PET117: variants seen among roughly 807,000 people sequenced by gnomAD.
PET117 encodes the protein protein PET117 homolog, mitochondrial.
Under a neutral mutation model 9.2 loss-of-function variants are expected in PET117, and 10 were observed. The observed-to-expected ratio is 1.09, with a 90% confidence interval of 0.67 to 1.85. The LOEUF is 1.85. Ranked by LOEUF, PET117 falls within the 40% of genes most tolerant of loss-of-function variation. PET117 has a pLI of 0.00. For synonymous variants in PET117, 43 were observed against 37.1 expected, an observed-to-expected ratio of 1.16 and a Z score of -0.57; for missense variants, 96 against 98.2, an observed-to-expected ratio of 0.98 and a Z score of 0.09.
At chr20:18,138,326 C>A (rs566169741) in intron 1 of PET117, 2 of 1,143,812 alleles carry the variant, frequency 1.7e-6, no homozygotes, top group South Asian at 8.1e-5. Flanking sequence ...AGGGGCCTTG[C>A]TCCGCACAGG....
Position 18,142,747 on chromosome 20 carries a change from A to C in PET117, c.*390A>C. On this transcript the variant is annotated 3_prime_UTR_variant, in exon 2 of 2. Transcript: ENST00000432901. Reference sequence around the variant, plus strand: ...CATCGACCTCAGAAGGACTGGAGGAAGGTGAAGTGGAGGGAGAGACGCTCC... The same window carrying C: ...CATCGACCTCAGAAGGACTGGAGGACGGTGAAGTGGAGGGAGAGACGCTCC... 1 of 1,614,216 alleles carries C rather than the reference A, an allele frequency of 6.2e-7. No individual in the cohort carries two copies. The highest frequency in any genetic ancestry group is 8.5e-7 in the Non-Finnish European group (1 of 1,180,034).
chr20:18,138,551 C>T (rs1205503383), intron 1 of PET117: 1 of 771,678 alleles, frequency 1.3e-6, no homozygotes, highest in African/African-American at 1.9e-5. Flanking sequence ...GATTTTATCC[C>T]ATGGTAAGGG....
intron 1 of PET117, 51 bp downstream of exon 1, chr20:18,138,102 T>TG (rs2037364926): frequency 7.0e-7 from 1 of 1,426,830 alleles, no homozygotes; most frequent in African/African-American, 1.5e-5. Context: ...GGCGTCGACC[T>TG]GGGGCCTCTC....
rs1273440887 is a variant in PET117, at chr20:18,138,550, C to G, written c.96+499C>G. ...TGTTTTACGTGCTATTGATTTTATC[C>G]CATGGTAAGGGAGCCCCCCTTCCCC... On this transcript the variant is annotated intron_variant, in intron 1 of 1. Coordinates refer to ENST00000432901, the MANE Select transcript of PET117 (RefSeq NM_001164811.2). The G allele has an allele frequency of 3.8e-6, 3 of 782,538 alleles. No homozygotes were observed. In the East Asian group the frequency reaches 3.8e-4, roughly 98 times the overall value. 48.5% of individuals were successfully genotyped at this position (782,538 alleles called of 1,614,324 possible).
intron 1 of PET117, among the ~76,000 whole-genome samples, chr20:18,139,675 T>TG (rs1568660988): frequency 1.3e-4 from 13 of 103,738 alleles, no homozygotes; most frequent in East Asian, 7.9e-4. Flanking sequence ...TGTGTGTGTG[T>TG]TTATTTTTTT....
Position 18,137,905 on chromosome 20 carries a change from C to T in PET117, c.-51C>T, listed in dbSNP as rs2037351386. On this transcript the variant is annotated 5_prime_UTR_variant, in exon 1 of 2. Coordinates refer to ENST00000432901, the MANE Select transcript of PET117 (RefSeq NM_001164811.2). ...GCGGCGGTGCGCACTCTGCGGCGGC[C>T]TCTGCGCCTCGGGCGGGCGGGAGAG... 3.4e-6 allele frequency: 5 copies of T among 1,451,384 alleles called. No individual in the cohort carries two copies. The highest frequency in any genetic ancestry group is 4.5e-6 in the Non-Finnish European group (5 of 1,108,374). 89.9% of individuals were successfully genotyped at this position (1,451,384 alleles called of 1,614,324 possible).
chr20:18,142,639 C>T lies in PET117; in HGVS notation c.*282C>T. The stretch of plus-strand genomic sequence containing the variant: ...TTAGGGTTGTTACTGAGAAGCACTG[C>T]CGAGCTTGTGAGAAGGAAGGGATGG... On this transcript the variant is annotated 3_prime_UTR_variant, in exon 2 of 2. Coordinates refer to ENST00000432901, the MANE Select transcript of PET117 (RefSeq NM_001164811.2). 1 of 1,613,302 alleles carries T rather than the reference C, an allele frequency of 6.2e-7. No individual in the cohort carries two copies. Among genetic ancestry groups the T allele is most frequent in the South Asian group, 1.1e-5 (1 of 91,014 alleles).
At position 18,138,546 on chromosome 20, in the gene PET117, T is replaced by C. The variant is rs1278281420; in HGVS notation, c.96+495T>C. 3.7e-6 allele frequency: 3 copies of C among 801,892 alleles called. No homozygotes were observed. The African/African-American group carries it at 5.6e-5, about 15-fold the overall frequency. The allele number at this position is 801,892 out of a possible 1,614,324, so 49.7% of individuals were successfully genotyped here. ...AATGTGTTTTACGTGCTATTGATTT[T>C]ATCCCATGGTAAGGGAGCCCCCCTT... On this transcript the variant is annotated intron_variant, in intron 1 of 1. Transcript: ENST00000432901.
chr20:18,142,892 G>A lies in PET117; in HGVS notation c.*535G>A. The A allele has an allele frequency of 6.2e-7, 1 of 1,614,116 alleles. No homozygotes were observed. The highest frequency in any genetic ancestry group is 8.5e-7 in the Non-Finnish European group (1 of 1,179,974). Reference sequence around the variant, plus strand: ...GGAGGAGCAGCTGTCCTACTTCTGTGACAAGTGCCAAAAATGGATACCAGC... The same window carrying A: ...GGAGGAGCAGCTGTCCTACTTCTGTAACAAGTGCCAAAAATGGATACCAGC... On this transcript the variant is annotated 3_prime_UTR_variant, in exon 2 of 2. Coordinates refer to ENST00000432901, the MANE Select transcript of PET117 (RefSeq NM_001164811.2).
chr20:18,141,041 T>TTTTTA (rs2037543546), intron 1 of PET117, among the ~76,000 whole-genome samples: 6 of 43,606 alleles, frequency 1.4e-4, no homozygotes, highest in South Asian at 9.5e-4. Context: ...TTTTTTTTTT[T>TTTTTA]TTTTTATTTT....
chr20:18,139,633 CGTGTGTGTGTGTGTGTGTGTGTGTGTGT>C (rs71194228), intron 1 of PET117, among the ~76,000 whole-genome samples: 7 of 141,634 alleles, frequency 4.9e-5, no homozygotes, highest in African/African-American at 7.6e-5. Flanking sequence ...ACCAAAATAA[CGTGTGTGTGTGTGTGTGTGTGTGTGTGT>C]GTGTGTGTGT....
chr20:18,141,051 T>TTTTTTTTTTTTCTG (rs58888387), intron 1 of PET117, among the ~76,000 whole-genome samples: 1 of 109,704 alleles, frequency 9.1e-6, no homozygotes, highest in Non-Finnish European at 1.8e-5. Flanking sequence ...TTTTTTATTT[T>TTTTTTTTTTTTCTG]TATTTTTGCT....
chr20:18,141,790 C>CGGA (rs2037595787), intron 1 of PET117, among the ~76,000 whole-genome samples: 1 of 152,036 alleles, frequency 6.6e-6, no homozygotes, highest in Non-Finnish European at 1.5e-5. Context: ...AGGCTGAGGC[C>CGGA]GGAGAATCAC....
chr20:18,141,033 TTTTTTTTTTTTTTA>T (rs1271089719), intron 1 of PET117, among the ~76,000 whole-genome samples: 126 of 18,374 alleles, frequency 6.9e-3, no homozygotes, highest in African/African-American at 0.016. Context: ...ATTTTTTTTT[TTTTTTTTTTTTTTA>T]TTTTTATTTT....
At chr20:18,138,876 C>T (rs1390324092) in intron 1 of PET117, among the ~76,000 whole-genome samples, 1 of 152,228 alleles carries the variant, frequency 6.6e-6, no homozygotes, top group Non-Finnish European at 1.5e-5. Flanking sequence ...GGAAACTCCA[C>T]TCTTCCAGAG....
rs2037631444 is a variant in PET117, at chr20:18,142,684, T to C, written c.*327T>C. On this transcript the variant is annotated 3_prime_UTR_variant, in exon 2 of 2. Coordinates refer to ENST00000432901, the MANE Select transcript of PET117 (RefSeq NM_001164811.2). ...GGATGGATAGTAGCATCCACCTGAGTAGTCTGATCAGTCGGCATGATGACG... is the reference window on the plus strand; with the variant it reads ...GGATGGATAGTAGCATCCACCTGAGCAGTCTGATCAGTCGGCATGATGACG... 6.2e-7 allele frequency: 1 copy of C among 1,613,926 alleles called. No homozygotes were observed.
intron 1 of PET117, 137 bp downstream of exon 1, chr20:18,138,188 C>T: frequency 1.6e-6 from 2 of 1,266,522 alleles, no homozygotes; most frequent in Non-Finnish European, 2.0e-6. Context: ...GCACCCCACG[C>T]GTTTGCGGCT....
rs748468761 is a variant in PET117 at position 18,142,673 on chromosome 20, AT to A, written c.*317del. 1 of 1,614,210 alleles carries A rather than the reference AT, an allele frequency of 6.2e-7. No individual in the cohort carries two copies. Among genetic ancestry groups the A allele is most frequent in the African/African-American group, 1.3e-5 (1 of 75,050 alleles). The stretch of plus-strand genomic sequence containing the variant: ...TGAGAAGGAAGGGATGGATAGTAGC[AT>A]CCACCTGAGTAGTCTGATCAGTCGG... On this transcript the variant is annotated 3_prime_UTR_variant, in exon 2 of 2. Coordinates refer to ENST00000432901, the MANE Select transcript of PET117 (RefSeq NM_001164811.2).
At position 18,137,934 on chromosome 20, in the gene PET117, G is replaced by C. The variant is rs775291514; in HGVS notation, c.-22G>C. 20 of 1,478,476 alleles carry C rather than the reference G, an allele frequency of 1.4e-5. No individual in the cohort carries two copies. The South Asian group carries it at 2.4e-4, about 18-fold the overall frequency. 91.6% of individuals were successfully genotyped at this position (1,478,476 alleles called of 1,614,324 possible). A position where few individuals can be genotyped will look rare whatever the true frequency, so the allele number is the denominator to read the frequency against. On this transcript the variant is annotated 5_prime_UTR_variant, in exon 1 of 2. Transcript: ENST00000432901. Reference sequence around the variant, plus strand: ...GCGCCTCGGGCGGGCGGGAGAGAGAGGCCGCGGCCGCCAGCGTGGGGATGT... The same window carrying C: ...GCGCCTCGGGCGGGCGGGAGAGAGACGCCGCGGCCGCCAGCGTGGGGATGT...
Sources: gnomAD v4.1 joint callset for allele counts (sites outside exome capture counted in the v4.1 genomes callset) on GRCh38, gnomAD v4.1.1 for gene constraint, MANE v1.5 for transcripts, NCBI Gene and HGNC (gene_info 2026-07-23, HGNC 2026-07-21) for gene names.